Variants in DAAM2 observed in about 807,000 individuals in gnomAD.
The protein encoded by DAAM2 is disheveled-associated activator of morphogenesis 2.
DAAM2 carries 39 observed loss-of-function variants against 120.7 expected under a neutral mutation model. The ratio of observed to expected loss-of-function variants is 0.32; its 90% CI spans 0.25 to 0.42. DAAM2 has a LOEUF of 0.42. Among genes scored for constraint, DAAM2 ranks in the 10% least tolerant of loss-of-function variants. The pLI is 1.00. For synonymous variants in DAAM2, 488 were observed against 524.9 expected, an observed-to-expected ratio of 0.93 and a Z score of 0.96; for missense variants, 1,283 against 1,401.7, an observed-to-expected ratio of 0.92 and a Z score of 1.35.
At chr6:39,798,004 G>C (rs548417628) in intron 1 of DAAM2, among the ~76,000 whole-genome samples, 1 of 152,220 alleles carries the variant, frequency 6.6e-6, no homozygotes, top group Non-Finnish European at 1.5e-5. Context: ...GGCTGCTTTC[G>C]TGCTGCAATG....
intron 1 of DAAM2, among the ~76,000 whole-genome samples, chr6:39,817,738 T>TC (rs1331581443): frequency 6.6e-6 from 1 of 152,102 alleles, no homozygotes; most frequent in Admixed American, 6.5e-5. Context: ...CTGAAGGCAG[T>TC]CTAGGGGTAG....
chr6:39,828,454 T>C (rs190158921), intron 1 of DAAM2, among the ~76,000 whole-genome samples: 4 of 152,188 alleles, frequency 2.6e-5, no homozygotes, highest in African/African-American at 7.2e-5. Flanking sequence ...TATGCTATAG[T>C]TTGCATGTCT....
In DAAM2 at chr6:39,829,360, G is replaced by GT. The variant is rs578149734; in HGVS notation, c.-56-26886dup. Among the ~76,000 whole-genome samples the GT allele has an allele frequency of 1.5e-3, 230 of 152,324 alleles. 2 individuals are homozygous for GT. Among genetic ancestry groups the GT allele is most frequent in the Admixed American group, 0.011 (174 of 15,300 alleles). ...GACTTTCTGGCCATTATCCTCAGTG[G>GT]TGTGTGATTCTTGCGGCTTTTCCCA... On this transcript the variant is annotated intron_variant, in intron 1 of 24. Transcript: ENST00000274867.
chr6:39,801,884 G>T (rs1362857000), intron 1 of DAAM2, among the ~76,000 whole-genome samples: 2 of 152,226 alleles, frequency 1.3e-5, no homozygotes, highest in Non-Finnish European at 1.5e-5. Flanking sequence ...CTTGACCAGG[G>T]CAGGGAGGGG....
chr6:39,830,065 C>A (rs1281419297), intron 1 of DAAM2, among the ~76,000 whole-genome samples: 1 of 152,104 alleles, frequency 6.6e-6, no homozygotes, highest in South Asian at 2.1e-4. Flanking sequence ...ATTTGTACCC[C>A]CTTTCCGACT....
In DAAM2 at chr6:39,903,578, C is replaced by T. The variant is rs1179533358; in HGVS notation, c.*1541C>T. ...GAGACTGGCCCTGCCTAACCTCTAC[C>T]ATCAATGAGCTCTTGGCCCTTCTGC... On this transcript the variant is annotated 3_prime_UTR_variant, in exon 25 of 25. Coordinates refer to ENST00000274867, the MANE Select transcript of DAAM2 (RefSeq NM_001201427.2). The T allele has an allele frequency of 6.5e-6, 1 of 153,328 alleles. No individual in the cohort carries two copies. The highest frequency in any genetic ancestry group is 2.4e-5 in the African/African-American group (1 of 41,454). The allele number at this position is 153,328 out of a possible 1,614,324, so 9.5% of individuals were successfully genotyped here. A position where few individuals can be genotyped will look rare whatever the true frequency, so the allele number is the denominator to read the frequency against.
chr6:39,865,425 G>A (rs1042453481), intron 5 of DAAM2, among the ~76,000 whole-genome samples: 1 of 152,246 alleles, frequency 6.6e-6, no homozygotes, highest in African/African-American at 2.4e-5. Context: ...GTGAGGATGA[G>A]GGGGCAGGGT....
At chr6:39,823,210 G>T (rs927352951) in intron 1 of DAAM2, 3 of 152,066 alleles carry the variant, frequency 2.0e-5, no homozygotes, top group Non-Finnish European at 4.4e-5. Flanking sequence ...TGCTTCAAAG[G>T]CCCAAAGATT....
chr6:39,844,642 A>G (rs1164641030), intron 1 of DAAM2, among the ~76,000 whole-genome samples: 3 of 152,132 alleles, frequency 2.0e-5, no homozygotes, highest in African/African-American at 7.2e-5. Flanking sequence ...TGGGAAAAAG[A>G]AGAAAAGACA....
intron 15 of DAAM2, chr6:39,886,448 G>A (rs185330308): frequency 5.5e-4 from 221 of 399,346 alleles, no homozygotes; most frequent in Non-Finnish European, 6.1e-4. Flanking sequence ...TTCTCAGCAG[G>A]TGAGTTACTC....
intron 18 of DAAM2, 51 bp from the exon 19 acceptor site, chr6:39,891,583 T>C (rs1242148004): frequency 5.1e-6 from 8 of 1,563,404 alleles, no homozygotes; most frequent in Middle Eastern, 1.7e-4. Context: ...GAGCTGGGGC[T>C]GGCCAGGATA....
At chr6:39,856,890 T>C (rs1764028462) in intron 2 of DAAM2, among the ~76,000 whole-genome samples, 1 of 152,222 alleles carries the variant, frequency 6.6e-6, no homozygotes, top group African/African-American at 2.4e-5. Context: ...AGTGGGATTC[T>C]GTGGGCAGAC....
chr6:39,882,831 C>T (rs1208227304), intron 14 of DAAM2, among the ~76,000 whole-genome samples: 2 of 152,082 alleles, frequency 1.3e-5, no homozygotes, highest in Non-Finnish European at 2.9e-5. Context: ...TCCAAGCTTC[C>T]CAGCCGGCAT....
At chr6:39,831,308 G>A (rs1320739606) in intron 1 of DAAM2, among the ~76,000 whole-genome samples, 3 of 152,088 alleles carry the variant, frequency 2.0e-5, no homozygotes, top group Non-Finnish European at 2.9e-5. Flanking sequence ...TGGGAGCGGG[G>A]CTGCTATTTC....
chr6:39,881,990 TCAGC>T (rs1167979063), intron 14 of DAAM2: 1 of 152,072 alleles, frequency 6.6e-6, no homozygotes, highest in Non-Finnish European at 1.5e-5. Context: ...GCTGGGAGCG[TCAGC>T]CAGCTAGGCC....
chr6:39,819,310 C>T (rs1055636360), intron 1 of DAAM2: 4 of 152,188 alleles, frequency 2.6e-5, no homozygotes, highest in Non-Finnish European at 5.9e-5. Flanking sequence ...GGAGCCTGGC[C>T]AGTCCTTCAG....
intron 1 of DAAM2, among the ~76,000 whole-genome samples, chr6:39,811,203 G>A (rs979077265): frequency 1.7e-4 from 21 of 126,850 alleles, no homozygotes; most frequent in Admixed American, 1.6e-3. Context: ...GTGTGTGTGT[G>A]TGTGTGTGTG....
chr6:39,901,893 A>AGAGTTCGATGACCT lies in DAAM2; in HGVS notation c.3065_3078dup (p.Val1027SerfsTer42). ...CAGGCAGCTCGCTGGAGGAGGGAGG[A>AGAGTTCGATGACCT]GAGTTCGATGACCTGGTGTCGGCCC... On this transcript the variant is annotated frameshift_variant, in exon 25 of 25. Transcript: ENST00000274867. LOFTEE classifies it high-confidence loss of function. The surrounding 1 kb of genome is among the most constrained non-coding windows in gnomAD (Gnocchi z 4.5). 6.2e-7 allele frequency: 1 copy of AGAGTTCGATGACCT among 1,603,664 alleles called. No individual in the cohort carries two copies. Among genetic ancestry groups the AGAGTTCGATGACCT allele is most frequent in the Non-Finnish European group, 8.5e-7 (1 of 1,172,480 alleles).
intron 2 of DAAM2, among the ~76,000 whole-genome samples, chr6:39,856,672 A>C (rs1764018559): frequency 6.6e-6 from 1 of 152,236 alleles, no homozygotes; most frequent in South Asian, 2.1e-4. Context: ...GTGTGTCCCC[A>C]GAAGAATGGT....
Sources: allele counts gnomAD v4.1 joint callset (sites outside exome capture counted in the v4.1 genomes callset), GRCh38; gene constraint gnomAD v4.1.1; non-coding constraint Gnocchi (gnomAD v3.1); transcripts MANE v1.5; gene names NCBI Gene and HGNC (gene_info 2026-07-23, HGNC 2026-07-21).